Variants in PHLPP1 observed in about 807,000 individuals in gnomAD.
PHLPP1 encodes the protein PH domain leucine-rich repeat-containing protein phosphatase 1.
A neutral mutation model predicts 117.2 loss-of-function variants in PHLPP1; 42 were observed. That is an observed-to-expected ratio of 0.36 (90% confidence interval 0.28 to 0.46). The LOEUF (loss-of-function observed/expected upper bound fraction) is 0.46, where lower values mean the gene tolerates loss of function less well. Among genes scored for constraint, PHLPP1 ranks in the 20% least tolerant of loss-of-function variants. The pLI, the probability that PHLPP1 is intolerant of heterozygous loss-of-function variation, is 1.00. For missense variants in PHLPP1, 2,084 were observed against 2,241.9 expected, an observed-to-expected ratio of 0.93 and a Z score of 1.42; for synonymous variants, 1,042 against 970.7, an observed-to-expected ratio of 1.07 and a Z score of -1.37.
At chr18:62,929,650 G>C (rs1380899005) in intron 10 of PHLPP1, among the ~76,000 whole-genome samples, 2 of 152,186 alleles carry the variant, frequency 1.3e-5, no homozygotes, top group Non-Finnish European at 2.9e-5. Context: ...GTGACAAACT[G>C]TTAGTAACGC....
chr18:62,904,921 T>C (rs944430827), intron 7 of PHLPP1, among the ~76,000 whole-genome samples: 1 of 152,236 alleles, frequency 6.6e-6, no homozygotes, highest in African/African-American at 2.4e-5. Context: ...AAAAGGATGG[T>C]ACTCGTGGTT....
intron 5 of PHLPP1, 131 bp downstream of exon 5, chr18:62,895,288 G>C: frequency 1.2e-6 from 1 of 857,832 alleles, no homozygotes; most frequent in Non-Finnish European, 1.8e-6. Context: ...CAAGAGATCA[G>C]GGACTATGTA....
intron 1 of PHLPP1, among the ~76,000 whole-genome samples, chr18:62,738,935 G>C (rs758284515): frequency 1.3e-5 from 2 of 152,212 alleles, no homozygotes; most frequent in Admixed American, 6.5e-5. Flanking sequence ...ATGTCTGGAT[G>C]ACTTGGAGGT....
chr18:62,919,922 T>C, intron 9 of PHLPP1, 37 bp from the exon 10 acceptor site: 1 of 1,498,562 alleles, frequency 6.7e-7, no homozygotes, highest in Non-Finnish European at 9.1e-7. Context: ...TTCTTTACTC[T>C]TTTTCATTTT....
intron 4 of PHLPP1, among the ~76,000 whole-genome samples, chr18:62,875,998 G>A (rs1284605004): frequency 6.6e-6 from 1 of 152,124 alleles, no homozygotes; most frequent in Non-Finnish European, 1.5e-5. Flanking sequence ...CTCCCAAAGT[G>A]CTGGGATTAC....
intron 4 of PHLPP1, among the ~76,000 whole-genome samples, chr18:62,888,295 G>A (rs1262303867): frequency 1.5e-5 from 2 of 131,826 alleles, no homozygotes; most frequent in Non-Finnish European, 3.2e-5. Context: ...AAATGTGTGT[G>A]TGTGTGTGTG....
At chr18:62,777,193 A>G (rs919261269) in intron 1 of PHLPP1, among the ~76,000 whole-genome samples, 8 of 152,188 alleles carry the variant, frequency 5.3e-5, no homozygotes, top group Non-Finnish European at 7.3e-5. Context: ...CAAATGCTCT[A>G]CATTCTCTGC....
chr18:62,941,965 T>C (rs1568168899), intron 11 of PHLPP1, 47 bp downstream of exon 11: 1 of 1,448,952 alleles, frequency 6.9e-7, no homozygotes, highest in Non-Finnish European at 9.6e-7. Context: ...TTTCTCAAAG[T>C]GTATTCATAG....
At chr18:62,764,577 C>T (rs1398801131) in intron 1 of PHLPP1, among the ~76,000 whole-genome samples, 1 of 152,030 alleles carries the variant, frequency 6.6e-6, no homozygotes, top group South Asian at 2.1e-4. Context: ...CATGGTGAAA[C>T]CCCGTCTCTA....
At chr18:62,766,076 A>AAAATAT in intron 1 of PHLPP1, among the ~76,000 whole-genome samples, 16 of 21,660 alleles carry the variant, frequency 7.4e-4, no homozygotes, top group East Asian at 3.3e-3. Context: ...AAAAAAAAAA[A>AAAATAT]ATATATATAT....
intron 1 of PHLPP1, among the ~76,000 whole-genome samples, chr18:62,757,503 G>T (rs185259924): frequency 1.3e-5 from 2 of 152,176 alleles, no homozygotes; most frequent in Non-Finnish European, 2.9e-5. Flanking sequence ...TTTGTATGGG[G>T]TGTCCCCATT....
intron 1 of PHLPP1, among the ~76,000 whole-genome samples, chr18:62,827,776 T>C (rs868022883): frequency 1.3e-5 from 2 of 152,224 alleles, no homozygotes; most frequent in South Asian, 4.1e-4. Flanking sequence ...GTATCCATAC[T>C]CTTCTGTTAA....
chr18:62,862,087 T>C (rs2144363279), intron 4 of PHLPP1, among the ~76,000 whole-genome samples: 1 of 152,174 alleles, frequency 6.6e-6, no homozygotes, highest in Middle Eastern at 3.4e-3. Flanking sequence ...TCTTTTTTTT[T>C]TTCTTTTTTT....
chr18:62,822,273 TTTTTTTG>T (rs1914483861), intron 1 of PHLPP1, among the ~76,000 whole-genome samples: 1 of 144,216 alleles, frequency 6.9e-6, no homozygotes, highest in African/African-American at 2.5e-5. Flanking sequence ...GTGTTTTTTT[TTTTTTTG>T]TTTTTGTTTT....
rs1258143237 is a variant in PHLPP1 at position 62,980,321 on chromosome 18, A to G, written c.*890A>G. 6.5e-6 allele frequency: 1 copy of G among 152,746 alleles called. No homozygotes were observed. The highest frequency in any genetic ancestry group is 2.4e-5 in the African/African-American group (1 of 41,462). 9.5% of individuals were successfully genotyped at this position (152,746 alleles called of 1,614,324 possible). A position where few individuals can be genotyped will look rare whatever the true frequency, so the allele number is the denominator to read the frequency against. On this transcript the variant is annotated 3_prime_UTR_variant, in exon 17 of 17. Coordinates refer to ENST00000262719, the MANE Select transcript of PHLPP1 (RefSeq NM_194449.4). ...GTTCCTTACTGCTGCCACAATCAGCATGGTTGTATAGTGCCCCATTAGGCC... is the reference window on the plus strand; with the variant it reads ...GTTCCTTACTGCTGCCACAATCAGCGTGGTTGTATAGTGCCCCATTAGGCC...
At chr18:62,923,497 G>T (rs1909537153) in intron 10 of PHLPP1, among the ~76,000 whole-genome samples, 1 of 152,118 alleles carries the variant, frequency 6.6e-6, no homozygotes, top group South Asian at 2.1e-4. Flanking sequence ...GGGCAGACAG[G>T]ATTATGTGAA....
chr18:62,752,258 C>G (rs1281341047), intron 1 of PHLPP1, among the ~76,000 whole-genome samples: 1 of 152,134 alleles, frequency 6.6e-6, no homozygotes, highest in African/African-American at 2.4e-5. Flanking sequence ...CCCGCGCCCC[C>G]ACCCAGTAAA....
intron 1 of PHLPP1, among the ~76,000 whole-genome samples, chr18:62,787,883 G>A (rs1913341394): frequency 6.6e-6 from 1 of 152,240 alleles, no homozygotes; most frequent in Admixed American, 6.5e-5. Context: ...GAATGGAGAT[G>A]TGTGGGTAAT....
rs372635643 is a variant in PHLPP1 at position 62,717,272 on chromosome 18, C to T, written c.1576+13C>T. ...CGCTTCTATGCAGGTAAGGAAGTCACCTGCCTTGACGGGTGGTTGCAAAAG... is the reference window on the plus strand; with the variant it reads ...CGCTTCTATGCAGGTAAGGAAGTCATCTGCCTTGACGGGTGGTTGCAAAAG... On this transcript the variant is annotated intron_variant, in intron 1 of 16. Transcript: ENST00000262719. 96 of 1,553,546 alleles carry T rather than the reference C, an allele frequency of 6.2e-5. No individual in the cohort carries two copies. Among genetic ancestry groups the T allele is most frequent in the Non-Finnish European group, 1.4e-5 (16 of 1,146,760 alleles).
Sources: allele counts gnomAD v4.1 joint callset (sites outside exome capture counted in the v4.1 genomes callset), GRCh38; gene constraint gnomAD v4.1.1; transcripts MANE v1.5; gene names NCBI Gene and HGNC (gene_info 2026-07-23, HGNC 2026-07-21).